Variants in PHACTR1 observed in about 807,000 individuals in gnomAD.
PHACTR1 encodes RPEL repeat containing 1.
In PHACTR1, 16 loss-of-function variants were observed where a neutral mutation model predicts 69.2. That is an observed-to-expected ratio of 0.23 (90% CI 0.16 to 0.35). The LOEUF (loss-of-function observed/expected upper bound fraction) is 0.35. Among genes scored for constraint, PHACTR1 ranks in the 10% least tolerant of loss-of-function variants. The pLI, the probability that PHACTR1 is intolerant of heterozygous loss-of-function variation, is 1.00. For missense variants in PHACTR1, 510 were observed against 734.7 expected (o/e 0.69, Z 3.54); for synonymous variants, 312 against 284.5 (o/e 1.10, Z -0.97).
intron 4 of PHACTR1, among the ~76,000 whole-genome samples, chr6:12,989,792 G>A (rs1796606011): frequency 6.6e-6 from 1 of 152,216 alleles, no homozygotes; most frequent in Admixed American, 6.5e-5. Flanking sequence ...AACAGTGAAA[G>A]GGAGGCAATG....
At chr6:13,228,977 T>C (rs139328297) in intron 9 of PHACTR1, among the ~76,000 whole-genome samples, 18 of 152,344 alleles carry the variant, frequency 1.2e-4, no homozygotes, top group Non-Finnish European at 2.2e-4. Context: ...GCTCTCTACT[T>C]ACCAGGCTTC....
chr6:13,102,374 T>G (rs995350660), intron 5 of PHACTR1, among the ~76,000 whole-genome samples: 1 of 152,178 alleles, frequency 6.6e-6, no homozygotes, highest in African/African-American at 2.4e-5. Context: ...TCATTGGCCT[T>G]ATGAAAAACC....
At chr6:13,003,795 C>CG (rs894424790) in intron 4 of PHACTR1, among the ~76,000 whole-genome samples, 1 of 151,240 alleles carries the variant, frequency 6.6e-6, no homozygotes, top group African/African-American at 2.4e-5. Context: ...TCCATGTCCA[C>CG]GGGTACCCAC....
At chr6:12,759,660 G>A (rs1767811851) in intron 4 of PHACTR1, among the ~76,000 whole-genome samples, 1 of 152,074 alleles carries the variant, frequency 6.6e-6, no homozygotes, top group South Asian at 2.1e-4. Context: ...AAAAATGAAT[G>A]TAATCCAACC....
chr6:13,078,377 A>G (rs907029412), intron 5 of PHACTR1, among the ~76,000 whole-genome samples: 1 of 152,194 alleles, frequency 6.6e-6, no homozygotes, highest in Non-Finnish European at 1.5e-5. Context: ...GACTTATACT[A>G]TTCCAACATG....
rs577725236 is a variant in PHACTR1, at chr6:12,926,606, C to CA, written c.251-126759_251-126758insA. Among the ~76,000 whole-genome samples, 349 of 152,350 alleles carry CA rather than the reference C, an allele frequency of 2.3e-3. 1 individual carries two copies. The highest frequency in any genetic ancestry group is 3.8e-3 in the Non-Finnish European group (257 of 68,036). On this transcript the variant is annotated intron_variant, in intron 4 of 14. Transcript: ENST00000332995. Reference sequence around the variant, plus strand: ...AAACCTCCTGACTCATATCCTTGTCCCCATAGAAAGCTGCCCATCAAGTCC... The same window carrying CA: ...AAACCTCCTGACTCATATCCTTGTCCACCATAGAAAGCTGCCCATCAAGTCC...
chr6:13,273,482 C>T (rs1333559736), intron 11 of PHACTR1: 3 of 152,348 alleles, frequency 2.0e-5, no homozygotes, highest in South Asian at 2.0e-4. Flanking sequence ...TGCTCTCATT[C>T]GAGGAAAACT....
chr6:12,769,116 G>C (rs932967493), intron 4 of PHACTR1, among the ~76,000 whole-genome samples: 2 of 152,048 alleles, frequency 1.3e-5, no homozygotes, highest in Non-Finnish European at 2.9e-5. Flanking sequence ...TTGGTCAATC[G>C]GTACAGTTAC....
At chr6:13,202,318 G>A (rs1049744186) in intron 7 of PHACTR1, among the ~76,000 whole-genome samples, 1 of 152,176 alleles carries the variant, frequency 6.6e-6, no homozygotes, top group African/African-American at 2.4e-5. Context: ...CCTAGGCAGA[G>A]AATTCCACTC....
intron 6 of PHACTR1, among the ~76,000 whole-genome samples, chr6:13,167,004 G>A (rs778468553): frequency 6.6e-6 from 1 of 152,160 alleles, no homozygotes; most frequent in African/African-American, 2.4e-5. Context: ...CACACTTGGC[G>A]AGGATCTCAC....
At chr6:12,738,833 C>T (rs1162578475) in intron 3 of PHACTR1, among the ~76,000 whole-genome samples, 1 of 152,158 alleles carries the variant, frequency 6.6e-6, no homozygotes, top group East Asian at 1.9e-4. Context: ...CCACTGCACT[C>T]CAGCCTGGGC....
intron 4 of PHACTR1, among the ~76,000 whole-genome samples, chr6:12,986,492 A>T (rs774054239): frequency 2.8e-4 from 42 of 152,274 alleles, no homozygotes; most frequent in African/African-American, 9.1e-4. Flanking sequence ...AGCTCACTAG[A>T]TGAGAAGCCA....
chr6:12,910,706 A>G (rs928134854), intron 4 of PHACTR1, among the ~76,000 whole-genome samples: 1 of 152,184 alleles, frequency 6.6e-6, no homozygotes, highest in Non-Finnish European at 1.5e-5. Flanking sequence ...CACTATGAGC[A>G]GGCCATTCTC....
intron 5 of PHACTR1, among the ~76,000 whole-genome samples, chr6:13,141,724 C>CTTTTTTTTTTTTTT (rs577073698): frequency 2.3e-4 from 21 of 89,750 alleles, no homozygotes; most frequent in Admixed American, 3.5e-4. Flanking sequence ...TTTCTTCTTT[C>CTTTTTTTTTTTTTT]TTTTTTTTTT....
chr6:12,811,470 C>T (rs1775002213), intron 4 of PHACTR1, among the ~76,000 whole-genome samples: 1 of 152,162 alleles, frequency 6.6e-6, no homozygotes, highest in Admixed American at 6.5e-5. Context: ...TATATCTTGA[C>T]ACGGTAGTGG....
chr6:13,051,155 C>T (rs1299336259), intron 4 of PHACTR1, among the ~76,000 whole-genome samples: 1 of 152,010 alleles, frequency 6.6e-6, no homozygotes, highest in South Asian at 2.1e-4. Context: ...TCTATTTTAC[C>T]AGGTTCCACT....
At chr6:13,038,667 G>T (rs891086329) in intron 4 of PHACTR1, among the ~76,000 whole-genome samples, 2 of 152,102 alleles carry the variant, frequency 1.3e-5, no homozygotes, top group Non-Finnish European at 2.9e-5. Context: ...TTACTTCTTT[G>T]CATTAGGATT....
intron 6 of PHACTR1, among the ~76,000 whole-genome samples, chr6:13,171,552 G>A (rs9463499): frequency 0.059 from 8,953 of 152,204 alleles, 718 homozygotes; most frequent in African/African-American, 0.18. Context: ...CATCTGCATC[G>A]GCCAATGCAG....
intron 4 of PHACTR1, among the ~76,000 whole-genome samples, chr6:12,902,541 A>G (rs544317698): frequency 6.6e-6 from 1 of 152,134 alleles, no homozygotes; most frequent in South Asian, 2.1e-4. Flanking sequence ...AACATACAAC[A>G]TCTCCTCGGG....
Sources: gnomAD v4.1 joint callset for allele counts (sites outside exome capture counted in the v4.1 genomes callset) on GRCh38, gnomAD v4.1.1 for gene constraint, MANE v1.5 for transcripts, NCBI Gene and HGNC (gene_info 2026-07-23, HGNC 2026-07-21) for gene names.